The following NCAM2 variants were observed in gnomAD, a reference collection of about 807,000 sequenced individuals.
NCAM2 encodes N-CAM-2.
In NCAM2, 30 loss-of-function variants were observed where a neutral mutation model predicts 98.1. The observed-to-expected ratio is 0.31, with a 90% CI of 0.23 to 0.41. The LOEUF is 0.41. Among genes scored for constraint, NCAM2 ranks in the 10% least tolerant of loss-of-function variants. The pLI is 1.00. For missense variants in NCAM2, 867 were observed against 1,005.8 expected (o/e 0.86, Z 1.87); for synonymous variants, 368 against 342.4 (o/e 1.07, Z -0.83).
chr21:21,319,281 A>G (rs1420296837), intron 5 of NCAM2, among the ~76,000 whole-genome samples: 1 of 152,250 alleles, frequency 6.6e-6, no homozygotes, highest in African/African-American at 2.4e-5. Flanking sequence ...ATATAGTATA[A>G]CAACTATCTG....
At chr21:21,462,587 T>C (rs530984683) in intron 12 of NCAM2, among the ~76,000 whole-genome samples, 85 of 152,162 alleles carry the variant, frequency 5.6e-4, no homozygotes, top group Admixed American at 5.6e-3. Flanking sequence ...CTCTCTACTA[T>C]GATCATTTCC....
chr21:21,200,605 A>G (rs2069177694), intron 1 of NCAM2, among the ~76,000 whole-genome samples: 1 of 152,138 alleles, frequency 6.6e-6, no homozygotes, highest in African/African-American at 2.4e-5. Flanking sequence ...GATTCATAGA[A>G]AATGCAGACT....
At position 21,255,213 on chromosome 21, in the gene NCAM2, C is replaced by T. The variant is rs559246418; in HGVS notation, c.56-25365C>T. On this transcript the variant is annotated intron_variant, in intron 1 of 17. Transcript: ENST00000400546. The stretch of plus-strand genomic sequence containing the variant: ...GTCTTAGCACTGGATCAGAGTTATC[C>T]CCGAGTACGTTGGAGTACACTGGAA... Among the ~76,000 whole-genome samples, 5 of 152,148 alleles carry T rather than the reference C, an allele frequency of 3.3e-5. 1 individual carries two copies. The highest frequency in any genetic ancestry group is 3.3e-4 in the Admixed American group (5 of 15,272).
intron 1 of NCAM2, among the ~76,000 whole-genome samples, chr21:21,132,527 T>C (rs2066957359): frequency 6.6e-6 from 1 of 152,232 alleles, no homozygotes. Flanking sequence ...TATTTAATTA[T>C]GTATGTGTAC....
intron 9 of NCAM2, among the ~76,000 whole-genome samples, chr21:21,378,687 T>A (rs575025352): frequency 6.6e-6 from 1 of 152,232 alleles, no homozygotes; most frequent in African/African-American, 2.4e-5. Flanking sequence ...TAATTTATAC[T>A]ACTTGTTCCT....
chr21:21,420,163 G>C (rs1234807692), intron 11 of NCAM2, among the ~76,000 whole-genome samples: 1 of 151,980 alleles, frequency 6.6e-6, no homozygotes, highest in Non-Finnish European at 1.5e-5. Flanking sequence ...AGTACAAAGA[G>C]CTATCTTACT....
At position 21,297,525 on chromosome 21, in the gene NCAM2, TTGAC is replaced by T. The variant is rs1202661868; in HGVS notation, c.619+5288_619+5291del. On this transcript the variant is annotated intron_variant, in intron 5 of 17. Transcript: ENST00000400546. ...TTTTAAAAACAGATTAACAGAGACA[TTGAC>T]TGAATTGATTGGCTACCTTTTCCAT... is the stretch of plus-strand genomic sequence containing the variant. Among the ~76,000 whole-genome samples the T allele has an allele frequency of 4.6e-5, 7 of 151,870 alleles. No homozygotes were observed. The East Asian group carries it at 1.2e-3, about 25-fold the overall frequency.
chr21:21,516,536 T>C (rs1294785667), intron 16 of NCAM2, among the ~76,000 whole-genome samples: 1 of 152,146 alleles, frequency 6.6e-6, no homozygotes, highest in Admixed American at 6.5e-5. Flanking sequence ...TGCCTAAAAT[T>C]CAAGAAACTT....
At position 21,542,065 on chromosome 21, in the gene NCAM2, T is replaced by A. The variant is rs1197978226; in HGVS notation, c.*4108T>A. ...ATGGATGTCGCAGAAATGAAATACT[T>A]CATCTTAGAAGGTAAAATTTTCAAG... On this transcript the variant is annotated 3_prime_UTR_variant, in exon 18 of 18. Transcript: ENST00000400546. The A allele has an allele frequency of 2.0e-5, 3 of 151,894 alleles. No homozygotes were observed. 9.4% of individuals were successfully genotyped at this position (151,894 alleles called of 1,614,324 possible).
In NCAM2 at chr21:21,511,417, A is replaced by G. The variant is rs113521678; in HGVS notation, c.2282+2362A>G. The stretch of plus-strand genomic sequence containing the variant: ...TTTCTGCACTGACTTATTTCACTTA[A>G]CATAATTTTCTCCAGTTCCACCAAT... On this transcript the variant is annotated intron_variant, in intron 16 of 17. Transcript: ENST00000400546. 4.4e-3 allele frequency among the ~76,000 whole-genome samples: 664 copies of G among 152,054 alleles called. 3 individuals carry two copies. The highest frequency in any genetic ancestry group is 0.015 in the African/African-American group (607 of 41,536).
intron 1 of NCAM2, among the ~76,000 whole-genome samples, chr21:21,006,797 T>G (rs1415920979): frequency 1.3e-5 from 2 of 152,168 alleles, no homozygotes; most frequent in African/African-American, 4.8e-5. Context: ...AAATGATGTT[T>G]GTTTTTTGTT....
intron 1 of NCAM2, among the ~76,000 whole-genome samples, chr21:21,212,961 C>T (rs1019818402): frequency 6.6e-6 from 1 of 151,950 alleles, no homozygotes; most frequent in Non-Finnish European, 1.5e-5. Flanking sequence ...AGGATGGTCT[C>T]GATCTCCTGA....
intron 1 of NCAM2, among the ~76,000 whole-genome samples, chr21:21,178,358 C>A (rs2146892796): frequency 6.6e-6 from 1 of 152,210 alleles, no homozygotes; most frequent in East Asian, 1.9e-4. Flanking sequence ...TAAATATAGT[C>A]ACTACTGCCT....
At chr21:21,516,658 T>G (rs1195854676) in intron 16 of NCAM2, among the ~76,000 whole-genome samples, 1 of 152,070 alleles carries the variant, frequency 6.6e-6, no homozygotes, top group African/African-American at 2.4e-5. Flanking sequence ...AAGTCAACCA[T>G]CTGTATTTTT....
chr21:21,063,716 A>G (rs1199730475), intron 1 of NCAM2, among the ~76,000 whole-genome samples: 2 of 152,216 alleles, frequency 1.3e-5, no homozygotes, highest in Non-Finnish European at 2.9e-5. Flanking sequence ...TTGAATATTT[A>G]ATACACTAAT....
At chr21:21,397,645 G>C (rs1436713964) in intron 9 of NCAM2, among the ~76,000 whole-genome samples, 2 of 152,208 alleles carry the variant, frequency 1.3e-5, no homozygotes, top group Non-Finnish European at 2.9e-5. Flanking sequence ...GGGGAAGGGG[G>C]AGTTCCTCAC....
intron 9 of NCAM2, among the ~76,000 whole-genome samples, chr21:21,387,187 TACACACACACACACAC>T (rs61585220): frequency 8.2e-6 from 1 of 121,228 alleles, no homozygotes; most frequent in Non-Finnish European, 1.9e-5. Flanking sequence ...CACACACACA[TACACACACACACACAC>T]ACACACACAC....
At chr21:21,274,694 A>C (rs1300260156) in intron 1 of NCAM2, among the ~76,000 whole-genome samples, 2 of 152,206 alleles carry the variant, frequency 1.3e-5, no homozygotes, top group Non-Finnish European at 2.9e-5. Context: ...TAAATATCTT[A>C]GTCTTTTAAC....
intron 5 of NCAM2, among the ~76,000 whole-genome samples, chr21:21,319,366 A>G (rs1963769): frequency 0.32 from 48,225 of 152,160 alleles, 8,419 homozygotes; most frequent in African/African-American, 0.46. Flanking sequence ...AACCAAGGCC[A>G]GTGCAGTGGC....
Sources: allele counts gnomAD v4.1 joint callset (sites outside exome capture counted in the v4.1 genomes callset), GRCh38; gene constraint gnomAD v4.1.1; transcripts MANE v1.5; gene names NCBI Gene and HGNC (gene_info 2026-07-23, HGNC 2026-07-21).